Variants in LCOR observed in about 807,000 individuals in gnomAD.
LCOR encodes ligand-dependent corepressor.
In LCOR, 14 loss-of-function variants were observed where a neutral mutation model predicts 64.4. The ratio of observed to expected loss-of-function variants is 0.22; its 90% CI spans 0.14 to 0.34. The LOEUF (loss-of-function observed/expected upper bound fraction) is 0.34. LCOR is among the 10% of genes least tolerant of loss of function. The pLI is 1.00. For synonymous variants in LCOR, 643 were observed against 642.5 expected (o/e 1.00, Z -0.01); for missense variants, 1,686 against 1,765.3 (o/e 0.96, Z 0.80).
intron 4 of LCOR, among the ~76,000 whole-genome samples, chr10:96,918,407 A>G (rs1162518671): frequency 4.6e-5 from 7 of 152,184 alleles, no homozygotes; most frequent in Admixed American, 1.3e-4. Context: ...GGGACAGACT[A>G]TAAGTCTGAC....
At chr10:96,973,879 C>T (rs1282630645) in intron 7 of LCOR, among the ~76,000 whole-genome samples, 1 of 152,148 alleles carries the variant, frequency 6.6e-6, no homozygotes, top group Non-Finnish European at 1.5e-5. Flanking sequence ...TTCATCACTC[C>T]TAAATTCTAG....
At position 96,983,203 on chromosome 10, in the gene LCOR, A is replaced by G; in HGVS notation, c.2743A>G (p.Met915Val). The G allele has an allele frequency of 1.9e-6, 3 of 1,614,170 alleles. No individual in the cohort carries two copies. The highest frequency in any genetic ancestry group is 2.5e-6 in the Non-Finnish European group (3 of 1,180,038). ...CATCACCAGGCAGACTTTGAAAAAC[A>G]TGCTGGACAAAGAAGTCAAGGAGTT... is the stretch of plus-strand genomic sequence containing the variant. ...GIITRQTLKN[M>V]LDKEVKELRG... The change falls in exon 8 of 8, where the codon ATG becomes GTG. Residue 915 changes from methionine (M) to valine (V), a missense_variant. Around this residue, in one of 3 missense-constraint regions of LCOR, gnomAD observed 1,293 missense variants for 1,410.4 expected, o/e 0.92. Coordinates refer to ENST00000421806, the MANE Select transcript of LCOR (RefSeq NM_001346516.2). The surrounding 1 kb of genome is among the most constrained non-coding windows in gnomAD (Gnocchi z 4.5).
chr10:96,835,289 G>A (rs1845423571), intron 2 of LCOR, among the ~76,000 whole-genome samples: 1 of 152,068 alleles, frequency 6.6e-6, no homozygotes, highest in East Asian at 1.9e-4. Context: ...TTTTTTGAAG[G>A]CAAATTTTAA....
intron 2 of LCOR, among the ~76,000 whole-genome samples, chr10:96,848,080 G>A (rs1325919075): frequency 1.3e-5 from 2 of 152,168 alleles, no homozygotes; most frequent in East Asian, 1.9e-4. Context: ...AATGCTCTTA[G>A]TAATTACTAT....
chr10:96,917,562 C>A (rs1846975755), intron 4 of LCOR, among the ~76,000 whole-genome samples: 1 of 152,238 alleles, frequency 6.6e-6, no homozygotes, highest in African/African-American at 2.4e-5. Context: ...GTTGCTTAAT[C>A]TAGAAGTTAG....
At chr10:96,943,866 TTTAG>T (rs1847541533) in intron 4 of LCOR, among the ~76,000 whole-genome samples, 1 of 152,090 alleles carries the variant, frequency 6.6e-6, no homozygotes, top group Non-Finnish European at 1.5e-5. Flanking sequence ...GCAGTTAAAG[TTTAG>T]TTAGAGTAAA....
chr10:96,936,940 A>G (rs972917008), intron 4 of LCOR, among the ~76,000 whole-genome samples: 1 of 152,230 alleles, frequency 6.6e-6, no homozygotes, highest in African/African-American at 2.4e-5. Context: ...ACAATATACT[A>G]TAACAAAAGT....
intron 7 of LCOR, chr10:96,955,206 G>A: frequency 6.2e-7 from 1 of 1,614,122 alleles, no homozygotes; most frequent in Non-Finnish European, 8.5e-7. Flanking sequence ...AGCCTCTTGG[G>A]CAAAACCACA....
In LCOR at chr10:96,984,922, T is replaced by C; in HGVS notation, c.4462T>C (p.Ser1488Pro). 2.5e-6 allele frequency: 4 copies of C among 1,613,930 alleles called. No homozygotes were observed. The highest frequency in any genetic ancestry group is 3.4e-6 in the Non-Finnish European group (4 of 1,180,000). ...CAAAAGGCCTTCCCAGTCTATTGCC[T>C]CGGAAACACTGACGAAACCTGCAAA... ...TNKRPSQSIASETLTKPAKQK... is the reference protein window; with the variant it reads ...TNKRPSQSIAPETLTKPAKQK... The change falls in exon 8 of 8, where the codon TCG becomes CCG. Residue 1488 changes from serine (S) to proline (P), a missense_variant. Ser to Pro is a moderately conservative substitution (Grantham distance 74, BLOSUM62 -1). Around this residue, in one of 3 missense-constraint regions of LCOR, gnomAD observed 1,293 missense variants for 1,410.4 expected, o/e 0.92. Coordinates refer to ENST00000421806, the MANE Select transcript of LCOR (RefSeq NM_001346516.2).
In LCOR at chr10:96,983,759, A is replaced by G; in HGVS notation, c.3299A>G (p.Glu1100Gly). 1 of 1,614,198 alleles carries G rather than the reference A, an allele frequency of 6.2e-7. No homozygotes were observed. The highest frequency in any genetic ancestry group is 8.5e-7 in the Non-Finnish European group (1 of 1,180,046). The change falls in exon 8 of 8, where the codon GAA (glutamate) becomes GGA (glycine). Residue 1100 changes from glutamate to glycine, a missense_variant. This residue lies in a region of LCOR where 1,293 missense variants were observed against 1,410.4 expected (regional missense o/e 0.92). Transcript: ENST00000421806. This position sits in a 1 kb window ranked among gnomAD's most constrained non-coding sequence, Gnocchi z 4.5. ...GTAGATGAACAGCCAAAGTTTATGG[A>G]ATGGTGTGCTGAGGAGGAGAACCAA... ...TVVDEQPKFM[E>G]WCAEEENQEL...
intron 7 of LCOR, chr10:96,962,589 A>G (rs1345691579): frequency 1.3e-5 from 2 of 152,156 alleles, no homozygotes; most frequent in Non-Finnish European, 2.9e-5. Context: ...TTAAAAGTCT[A>G]ATCCTATATT....
At chr10:96,900,273 A>G (rs1428130721) in intron 2 of LCOR, among the ~76,000 whole-genome samples, 1 of 152,136 alleles carries the variant, frequency 6.6e-6, no homozygotes, top group Admixed American at 6.5e-5. Context: ...TGGATATACC[A>G]CATTTTGTTT....
chr10:96,953,322 C>T (rs1200496062), intron 7 of LCOR, among the ~76,000 whole-genome samples: 3 of 151,988 alleles, frequency 2.0e-5, no homozygotes, highest in Non-Finnish European at 4.4e-5. Context: ...GCGGCTGAAG[C>T]GGGCAGATCA....
At chr10:96,912,915 G>A (rs1042545833) in intron 4 of LCOR, among the ~76,000 whole-genome samples, 9 of 152,020 alleles carry the variant, frequency 5.9e-5, no homozygotes, top group Admixed American at 3.9e-4. Flanking sequence ...ATATCAGTAC[G>A]AATTCATGGA....
chr10:96,863,189 A>G (rs1432143858), intron 2 of LCOR, among the ~76,000 whole-genome samples: 1 of 134,040 alleles, frequency 7.5e-6, no homozygotes, highest in Admixed American at 7.9e-5. Context: ...AGCCGAAGTA[A>G]TATGTTTTCT....
chr10:96,847,223 G>A (rs1380687540), intron 2 of LCOR, among the ~76,000 whole-genome samples: 1 of 151,946 alleles, frequency 6.6e-6, no homozygotes, highest in African/African-American at 2.4e-5. Flanking sequence ...CAGTCTGGGT[G>A]ACTGAGCCAG....
chr10:96,928,471 C>T (rs1564628694), intron 4 of LCOR, among the ~76,000 whole-genome samples: 1 of 152,126 alleles, frequency 6.6e-6, no homozygotes, highest in Non-Finnish European at 1.5e-5. Context: ...CAAGTTTTGT[C>T]ACGAGATTGC....
At chr10:96,958,475 C>G (rs1240827323) in intron 7 of LCOR, 1 of 934,618 alleles carries the variant, frequency 1.1e-6, no homozygotes, top group Non-Finnish European at 1.7e-6. Context: ...TTTAAGAGAA[C>G]TTGTATTGTG....
At position 96,949,109 on chromosome 10, in the gene LCOR, T is replaced by A. The variant is rs1847633956; in HGVS notation, c.52T>A (p.Ser18Thr). 1 of 1,613,748 alleles carries A rather than the reference T, an allele frequency of 6.2e-7. No homozygotes were observed. The highest frequency in any genetic ancestry group is 1.3e-5 in the African/African-American group (1 of 74,818). The change falls in exon 6 of 8, where the codon TCT becomes ACT. Residue 18 changes from serine to threonine, a missense_variant. By Grantham distance (58) the Ser-to-Thr change is moderately conservative. Coordinates refer to ENST00000421806, the MANE Select transcript of LCOR (RefSeq NM_001346516.2). ...TGCTGAATATACCTCAAAAAATAGC[T>A]CTACTCAGGACCCCAGCCAGCCCAA... ...FAAEYTSKNSSTQDPSQPNST... is the reference protein window; with the variant it reads ...FAAEYTSKNSTTQDPSQPNST...
Sources: gnomAD v4.1 joint callset for allele counts (sites outside exome capture counted in the v4.1 genomes callset) on GRCh38, gnomAD v4.1.1 for gene constraint, gnomAD v4.1.1 regional missense constraint, Gnocchi (gnomAD v3.1) non-coding constraint, MANE v1.5 for transcripts, NCBI Gene and HGNC (gene_info 2026-07-23, HGNC 2026-07-21) for gene names.